ANXA3: variants seen among roughly 807,000 people sequenced by gnomAD.
The protein encoded by ANXA3 is 35-alpha calcimedin.
In ANXA3, 46 loss-of-function variants were observed where a neutral mutation model predicts 48.8. The observed-to-expected ratio is 0.94, with a 90% confidence interval of 0.74 to 1.21. ANXA3 has a LOEUF of 1.21. ANXA3 is among the 50% of genes most tolerant of loss of function. The pLI, the probability that ANXA3 is intolerant of heterozygous loss-of-function variation, is 0.00. For synonymous variants in ANXA3, 128 were observed against 134.7 expected (o/e 0.95, Z 0.35); for missense variants, 383 against 378.6 (o/e 1.01, Z -0.10).
intron 6 of ANXA3, among the ~76,000 whole-genome samples, chr4:78,588,175 T>G (rs1723216315): frequency 6.6e-6 from 1 of 152,060 alleles, no homozygotes; most frequent in Non-Finnish European, 1.5e-5. Flanking sequence ...GCAGATTGCG[T>G]GAGCCAAGGA....
intron 5 of ANXA3, among the ~76,000 whole-genome samples, chr4:78,585,124 C>T (rs995577598): frequency 2.6e-5 from 4 of 152,204 alleles, no homozygotes; most frequent in Non-Finnish European, 4.4e-5. Context: ...TAGCTAACTG[C>T]GTTCTTTGCA....
intron 2 of ANXA3, among the ~76,000 whole-genome samples, chr4:78,558,863 A>T (rs1054551388): frequency 6.6e-6 from 1 of 152,158 alleles, no homozygotes; most frequent in Non-Finnish European, 1.5e-5. Context: ...CCCACAAATT[A>T]GAATGTCTTA....
chr4:78,558,538 A>G (rs963375153), intron 2 of ANXA3, among the ~76,000 whole-genome samples: 12 of 152,212 alleles, frequency 7.9e-5, no homozygotes, highest in African/African-American at 2.9e-4. Context: ...AGTTTATTAC[A>G]GTGGTATGAT....
chr4:78,596,332 G>A (rs1472081791), intron 9 of ANXA3, among the ~76,000 whole-genome samples: 1 of 152,232 alleles, frequency 6.6e-6, no homozygotes, highest in Non-Finnish European at 1.5e-5. Flanking sequence ...TGATATGAAG[G>A]TAAGTGGTAG....
intron 5 of ANXA3, among the ~76,000 whole-genome samples, chr4:78,583,066 C>T (rs1723104592): frequency 6.6e-6 from 1 of 152,192 alleles, no homozygotes. Flanking sequence ...AGGCCAGGTG[C>T]TGTGGCTCTT....
chr4:78,593,264 G>A (rs1032837705), intron 7 of ANXA3, among the ~76,000 whole-genome samples: 25 of 151,942 alleles, frequency 1.6e-4, no homozygotes, highest in East Asian at 3.9e-4. Context: ...GTGCTGTGGT[G>A]CGATCTCGGC....
chr4:78,555,215 A>T (rs1296857292), intron 2 of ANXA3, among the ~76,000 whole-genome samples: 1 of 152,236 alleles, frequency 6.6e-6, no homozygotes, highest in African/African-American at 2.4e-5. Flanking sequence ...AAAAAAATAG[A>T]AAAAGAGAAA....
chr4:78,582,336 C>T (rs750092523), intron 5 of ANXA3, 46 bp downstream of exon 5: 5 of 1,356,846 alleles, frequency 3.7e-6, no homozygotes, highest in Non-Finnish European at 5.3e-6. Flanking sequence ...TTGACCAAGT[C>T]ATCAAAAATA....
At chr4:78,563,803 C>T (rs1722673956) in intron 2 of ANXA3, among the ~76,000 whole-genome samples, 1 of 152,148 alleles carries the variant, frequency 6.6e-6, no homozygotes, top group Admixed American at 6.5e-5. Flanking sequence ...TATATTTCTC[C>T]ATATATCCAG....
chr4:78,556,287 C>T (rs1358573008), intron 2 of ANXA3, among the ~76,000 whole-genome samples: 1 of 152,052 alleles, frequency 6.6e-6, no homozygotes, highest in African/African-American at 2.4e-5. Context: ...AAAAGTGGAT[C>T]AGCTGTATGT....
chr4:78,591,908 T>C (rs996490018), intron 7 of ANXA3, among the ~76,000 whole-genome samples: 1 of 152,246 alleles, frequency 6.6e-6, no homozygotes, highest in Non-Finnish European at 1.5e-5. Context: ...TTCTGATACA[T>C]CATCTGACAT....
In ANXA3 at chr4:78,604,368, A is replaced by G; in HGVS notation, c.881A>G (p.His294Arg). Residue 294 changes from histidine to arginine, a missense_variant, in exon 12 of 13, where the codon CAT becomes CGT. His to Arg is a conservative substitution (Grantham distance 29). Transcript: ENST00000264908. The stretch of plus-strand genomic sequence containing the variant: ...GACATTCGAACAGAGTTCAAGAAGC[A>G]TTATGGCTATTCCCTATATTCAGCA... The part of the protein sequence containing the change: ...LLDIRTEFKK[H>R]YGYSLYSAIK... The G allele has an allele frequency of 6.2e-7, 1 of 1,613,230 alleles. No individual in the cohort carries two copies. Among genetic ancestry groups the G allele is most frequent in the Non-Finnish European group, 8.5e-7 (1 of 1,179,506 alleles).
intron 2 of ANXA3, among the ~76,000 whole-genome samples, chr4:78,572,053 C>T (rs1416316057): frequency 1.3e-5 from 2 of 152,156 alleles, no homozygotes; most frequent in African/African-American, 2.4e-5. Flanking sequence ...AGTCTGTAAA[C>T]CACAGTTACT....
intron 10 of ANXA3, among the ~76,000 whole-genome samples, chr4:78,598,556 T>C (rs1723473077): frequency 6.6e-6 from 1 of 152,336 alleles, no homozygotes; most frequent in East Asian, 1.9e-4. Flanking sequence ...TTTTTTTTCT[T>C]TGTGACGGAG....
At chr4:78,593,111 T>TGCC (rs1723334112) in intron 7 of ANXA3, among the ~76,000 whole-genome samples, 1 of 70,826 alleles carries the variant, frequency 1.4e-5, no homozygotes, top group Non-Finnish European at 3.1e-5. Flanking sequence ...TGAACACACA[T>TGCC]ACCACACACA....
At chr4:78,563,725 G>A (rs1445963408) in intron 2 of ANXA3, among the ~76,000 whole-genome samples, 2 of 152,146 alleles carry the variant, frequency 1.3e-5, no homozygotes, top group Non-Finnish European at 2.9e-5. Flanking sequence ...AAGACAGACA[G>A]CCACCGTTCT....
chr4:78,586,276 A>T lies in ANXA3; in HGVS notation c.329A>T (p.Glu110Val). ...KKSMKGAGTN[E>V]DALIEILTTR... ...CCTTTTTAGGGCGCGGGAACAAACG[A>T]AGATGCCTTGATTGAAATCTTAACT... The change falls in exon 6 of 13, where the codon GAA (glutamate) becomes GTA (valine). Residue 110 changes from glutamate (E) to valine (V), a missense_variant. By Grantham distance (121) the Glu-to-Val change is moderately radical (BLOSUM62 -2). Transcript: ENST00000264908. 2 of 1,613,756 alleles carry T rather than the reference A, an allele frequency of 1.2e-6. No homozygotes were observed. The highest frequency in any genetic ancestry group is 8.5e-7 in the Non-Finnish European group (1 of 1,179,774).
At chr4:78,586,875 G>C (rs1366633065) in intron 6 of ANXA3, among the ~76,000 whole-genome samples, 15 of 152,102 alleles carry the variant, frequency 9.9e-5, no homozygotes, top group Admixed American at 9.8e-4. Flanking sequence ...ACAGGTTAAG[G>C]TCACAGTCCC....
intron 2 of ANXA3, among the ~76,000 whole-genome samples, chr4:78,555,528 A>C (rs779284487): frequency 6.6e-6 from 1 of 152,200 alleles, no homozygotes; most frequent in Non-Finnish European, 1.5e-5. Context: ...AGAATTATAA[A>C]TGTCCAATAA....
Sources: gnomAD v4.1 joint callset for allele counts (sites outside exome capture counted in the v4.1 genomes callset) on GRCh38, gnomAD v4.1.1 for gene constraint, MANE v1.5 for transcripts, NCBI Gene and HGNC (gene_info 2026-07-23, HGNC 2026-07-21) for gene names.